VIPR2: variants seen among roughly 807,000 people sequenced by gnomAD.
The protein encoded by VIPR2 is vasoactive intestinal peptide receptor 2.
In VIPR2, 48 loss-of-function variants were observed where a neutral mutation model predicts 58.0. The observed-to-expected ratio is 0.83, with a 90% CI of 0.66 to 1.05. The LOEUF (loss-of-function observed/expected upper bound fraction) is 1.05, where lower values mean the gene tolerates loss of function less well. VIPR2 is among the 50% of genes least tolerant of loss of function. VIPR2 has a pLI of 0.00. For missense variants in VIPR2, 534 were observed against 558.0 expected (o/e 0.96, Z 0.43); for synonymous variants, 243 against 235.2 (o/e 1.03, Z -0.30).
intron 2 of VIPR2, among the ~76,000 whole-genome samples, chr7:159,114,855 C>T (rs751778006): frequency 6.8e-6 from 1 of 148,034 alleles, no homozygotes; most frequent in Non-Finnish European, 1.5e-5. Flanking sequence ...AGGGAGGGAG[C>T]GGGGAGGGAA....
intron 4 of VIPR2, among the ~76,000 whole-genome samples, chr7:159,065,769 C>T (rs1468615085): frequency 6.6e-6 from 1 of 152,220 alleles, no homozygotes; most frequent in African/African-American, 2.4e-5. Flanking sequence ...AAACCCTCCG[C>T]CCAGAAAGTA....
In VIPR2 at chr7:159,031,567, C is replaced by T. The variant is rs1853586905; in HGVS notation, c.1143+261G>A. The T allele has an allele frequency of 6.1e-6, 6 of 985,282 alleles. No homozygotes were observed. Among genetic ancestry groups the T allele is most frequent in the Admixed American group, 6.1e-5 (1 of 16,276 alleles). 61.0% of individuals were successfully genotyped at this position (985,282 alleles called of 1,614,324 possible). ...GTCTAGACCCGGCCGGGAGCTTTCCCGAGAGGGCTCCGAGACGGACGGCAG... is the reference window on the plus strand; with the variant it reads ...GTCTAGACCCGGCCGGGAGCTTTCCTGAGAGGGCTCCGAGACGGACGGCAG... On this transcript the variant is annotated intron_variant, in intron 12 of 12. Coordinates refer to ENST00000262178, the MANE Select transcript of VIPR2 (RefSeq NM_003382.5). This position sits in a 1 kb window ranked among gnomAD's most constrained non-coding sequence, Gnocchi z 4.0.
chr7:159,107,760 A>C (rs1197359437), intron 3 of VIPR2, among the ~76,000 whole-genome samples: 2 of 151,556 alleles, frequency 1.3e-5, no homozygotes, highest in Non-Finnish European at 2.9e-5. Context: ...GCTGCAGGGC[A>C]GGGGTTAGGA....
In VIPR2 at chr7:159,128,218, G is replaced by A. The variant is rs1012533253; in HGVS notation, c.151+14228C>T. Among the ~76,000 whole-genome samples the A allele has an allele frequency of 2.0e-5, 3 of 152,050 alleles. No homozygotes were observed. Among genetic ancestry groups the A allele is most frequent in the Admixed American group, 1.3e-4 (2 of 15,266 alleles). On this transcript the variant is annotated intron_variant, in intron 2 of 12. Coordinates refer to ENST00000262178, the MANE Select transcript of VIPR2 (RefSeq NM_003382.5). The surrounding 1 kb of genome is among the most constrained non-coding windows in gnomAD (Gnocchi z 4.1). Reference sequence around the variant, plus strand: ...TGTGCCCAGGGTCCACAGAACGGCCGGCCATGGTGTGGAACAGCTGCTGGG... The same window carrying A: ...TGTGCCCAGGGTCCACAGAACGGCCAGCCATGGTGTGGAACAGCTGCTGGG...
intron 2 of VIPR2, among the ~76,000 whole-genome samples, chr7:159,136,399 T>C (rs1797229371): frequency 6.6e-6 from 1 of 152,316 alleles, no homozygotes; most frequent in African/African-American, 2.4e-5. Context: ...TGAGGATTGT[T>C]TTAACCTAAG....
At chr7:159,080,213 C>A (rs1165349092) in intron 4 of VIPR2, among the ~76,000 whole-genome samples, 2 of 152,144 alleles carry the variant, frequency 1.3e-5, no homozygotes, top group Non-Finnish European at 2.9e-5. Flanking sequence ...ATGCAAAAAT[C>A]CTCAATAAAA....
chr7:159,104,665 C>A (rs945414307), intron 3 of VIPR2, among the ~76,000 whole-genome samples: 6 of 151,070 alleles, frequency 4.0e-5, no homozygotes, highest in Admixed American at 3.9e-4. Context: ...CCCAGCAACA[C>A]CCTCCCTCCT....
chr7:159,042,387 C>T (rs761020642), intron 6 of VIPR2, among the ~76,000 whole-genome samples: 17 of 152,172 alleles, frequency 1.1e-4, no homozygotes, highest in Non-Finnish European at 2.1e-4. Context: ...TGCTCAACAG[C>T]ACCTGCTATG....
intron 4 of VIPR2, among the ~76,000 whole-genome samples, chr7:159,063,893 G>GTGGGGTCCGGGGGTCCTGGT (rs1855910736): frequency 7.6e-6 from 1 of 132,252 alleles, no homozygotes; most frequent in Non-Finnish European, 1.7e-5. Flanking sequence ...GGGGGTCCTG[G>GTGGGGTCCGGGGGTCCTGGT]GGGGATCTGG....
intron 2 of VIPR2, among the ~76,000 whole-genome samples, chr7:159,132,461 C>G (rs1175511817): frequency 6.6e-6 from 1 of 151,690 alleles, no homozygotes. Context: ...TGGCCTGGAT[C>G]CAGTCGGAGG....
In VIPR2 at chr7:159,031,521, C is replaced by T. The variant is rs1365874884; in HGVS notation, c.1143+307G>A. The T allele has an allele frequency of 1.0e-6, 1 of 985,136 alleles. No individual in the cohort carries two copies. Among genetic ancestry groups the T allele is most frequent in the African/African-American group, 1.7e-5 (1 of 57,184 alleles). The allele number at this position is 985,136 out of a possible 1,614,324, so 61.0% of individuals were successfully genotyped here. A position where few individuals can be genotyped will look rare whatever the true frequency, so the allele number is the denominator to read the frequency against. On this transcript the variant is annotated intron_variant, in intron 12 of 12. Transcript: ENST00000262178. The surrounding 1 kb of genome is among the most constrained non-coding windows in gnomAD (Gnocchi z 4.0). ...GCTATGGTCAGGAGCGAGACGCCGA[C>T]CATGGGGAAAAACAGATTCTGTCTA...
At chr7:159,102,602 GAA>G (rs1271841758) in intron 4 of VIPR2, among the ~76,000 whole-genome samples, 2 of 152,210 alleles carry the variant, frequency 1.3e-5, no homozygotes, top group Non-Finnish European at 2.9e-5. Context: ...GAATCTTAGA[GAA>G]GTGAGCAAAG....
At chr7:159,131,388 T>C (rs991892751) in intron 2 of VIPR2, among the ~76,000 whole-genome samples, 1 of 152,190 alleles carries the variant, frequency 6.6e-6, no homozygotes, top group African/African-American at 2.4e-5. Context: ...AATGACAAGA[T>C]GAGATCAGCC....
intron 3 of VIPR2, 53 bp downstream of exon 3, chr7:159,109,759 G>T: frequency 1.3e-6 from 2 of 1,522,544 alleles, no homozygotes; most frequent in East Asian, 2.3e-5. Flanking sequence ...AAAAATGGAC[G>T]CTCAGATGCA....
rs72505598 is a variant in VIPR2, at chr7:159,088,297, G to A, written c.357+15460C>T. On this transcript the variant is annotated intron_variant, in intron 4 of 12. Transcript: ENST00000262178. The stretch of plus-strand genomic sequence containing the variant: ...CCTGCGACAGTACACCTGAACACCC[G>A]CATACCCACTGCAGCACACCTGTAC... Among the ~76,000 whole-genome samples, 39 of 152,092 alleles carry A rather than the reference G, an allele frequency of 2.6e-4. No homozygotes were observed. In the South Asian group the frequency reaches 4.2e-3, roughly 16 times the overall value.
chr7:159,043,688 T>C (rs7784586), intron 5 of VIPR2, among the ~76,000 whole-genome samples: 24,944 of 152,188 alleles, frequency 0.16, 2,207 homozygotes, highest in African/African-American at 0.23. Context: ...GAAGCTCATG[T>C]TCCTATTGTG....
chr7:159,113,952 GA>G (rs1318859173), intron 2 of VIPR2, among the ~76,000 whole-genome samples: 7 of 152,318 alleles, frequency 4.6e-5, no homozygotes, highest in African/African-American at 1.7e-4. Context: ...ATAGGGCTGA[GA>G]ACTGGGGATG....
In VIPR2 at chr7:159,096,863, A is replaced by G. The variant is rs2129495573; in HGVS notation, c.357+6894T>C. 1.3e-6 allele frequency: 2 copies of G among 1,543,972 alleles called. No homozygotes were observed. Among genetic ancestry groups the G allele is most frequent in the Non-Finnish European group, 1.7e-6 (2 of 1,143,320 alleles). The stretch of plus-strand genomic sequence containing the variant: ...GGGATGCTTCCGCCGTACTGTGTCC[A>G]TGGCTGAGACCACCCTCTCTGTGGC... On this transcript the variant is annotated intron_variant, in intron 4 of 12. Transcript: ENST00000262178. This position sits in a 1 kb window ranked among gnomAD's most constrained non-coding sequence, Gnocchi z 5.5.
chr7:159,078,233 G>C (rs895036386), intron 4 of VIPR2, among the ~76,000 whole-genome samples: 1 of 152,050 alleles, frequency 6.6e-6, no homozygotes, highest in East Asian at 1.9e-4. Context: ...ATCTCAACTG[G>C]CTTCCCTCTG....
Sources: gnomAD v4.1 joint callset for allele counts (sites outside exome capture counted in the v4.1 genomes callset) on GRCh38, gnomAD v4.1.1 for gene constraint, Gnocchi (gnomAD v3.1) non-coding constraint, MANE v1.5 for transcripts, NCBI Gene and HGNC (gene_info 2026-07-23, HGNC 2026-07-21) for gene names.